Variants in LRP1B observed in about 807,000 individuals in gnomAD.
The protein encoded by LRP1B is low-density lipoprotein receptor-related protein 1B.
Under a neutral mutation model 556.6 loss-of-function variants are expected in LRP1B, and 217 were observed. The observed-to-expected ratio is 0.39, with a 90% CI of 0.35 to 0.44. The LOEUF (loss-of-function observed/expected upper bound fraction) is 0.44. Ranked by LOEUF, LRP1B falls within the 20% of genes least tolerant of loss-of-function variation. The pLI is 1.00. For missense variants in LRP1B, 5,053 were observed against 5,620.8 expected (o/e 0.90, Z 3.23); for synonymous variants, 2,047 against 1,865.8 (o/e 1.10, Z -2.50).
chr2:140,565,419 TATATTA>T (rs994216602), intron 43 of LRP1B, among the ~76,000 whole-genome samples: 2 of 152,084 alleles, frequency 1.3e-5, no homozygotes, highest in African/African-American at 4.8e-5. Context: ...TTTACTTTTC[TATATTA>T]ATATTCTCAA....
At chr2:141,527,712 C>T (rs1684737067) in intron 2 of LRP1B, among the ~76,000 whole-genome samples, 1 of 152,038 alleles carries the variant, frequency 6.6e-6, no homozygotes, top group Non-Finnish European at 1.5e-5. Context: ...TACACTAATA[C>T]TAGTTCTAGA....
chr2:141,578,383 C>T (rs949632294), intron 2 of LRP1B, among the ~76,000 whole-genome samples: 9 of 138,994 alleles, frequency 6.5e-5, no homozygotes, highest in African/African-American at 2.1e-4. Flanking sequence ...GGTGACAGGG[C>T]GAGAGTCCTT....
At chr2:141,305,321 A>G (rs891365659) in intron 3 of LRP1B, among the ~76,000 whole-genome samples, 5 of 152,084 alleles carry the variant, frequency 3.3e-5, no homozygotes, top group Admixed American at 1.3e-4. Flanking sequence ...AGGTATTCCT[A>G]GGTGTTTTAT....
At chr2:140,666,574 T>A (rs1195816806) in intron 41 of LRP1B, among the ~76,000 whole-genome samples, 1 of 152,208 alleles carries the variant, frequency 6.6e-6, no homozygotes, top group African/African-American at 2.4e-5. Context: ...AAAAGGAAGA[T>A]ATTTGTATGC....
intron 41 of LRP1B, among the ~76,000 whole-genome samples, chr2:140,606,926 C>T (rs186184708): frequency 1.3e-5 from 2 of 151,646 alleles, no homozygotes; most frequent in African/African-American, 4.8e-5. Context: ...ACAAAAAATA[C>T]AAATGAAAAA....
chr2:141,896,896 G>C (rs115457882), intron 1 of LRP1B, among the ~76,000 whole-genome samples: 1,565 of 152,220 alleles, frequency 0.01, 27 homozygotes, highest in African/African-American at 0.035. Context: ...CATAGTCCCA[G>C]TGATGGACCC....
intron 41 of LRP1B, among the ~76,000 whole-genome samples, chr2:140,692,147 A>G (rs1354692899): frequency 6.6e-6 from 1 of 152,130 alleles, no homozygotes; most frequent in African/African-American, 2.4e-5. Context: ...TAATGATTAT[A>G]TAATTATCAA....
At chr2:141,049,879 C>A (rs1044714395) in intron 10 of LRP1B, among the ~76,000 whole-genome samples, 1 of 151,916 alleles carries the variant, frequency 6.6e-6, no homozygotes, top group Non-Finnish European at 1.5e-5. Context: ...TTATCAAAAA[C>A]AAAACGAAAA....
In LRP1B at chr2:140,534,677, G is replaced by A. The variant is rs576613496; in HGVS notation, c.7643-537C>T. On this transcript the variant is annotated intron_variant, in intron 46 of 90. Coordinates refer to ENST00000389484, the MANE Select transcript of LRP1B (RefSeq NM_018557.3). ...TCCCTGAGAAAGAATTACCTTCTGA[G>A]TTCTATTTACCATTATGAAAGTTTC... Among the ~76,000 whole-genome samples the A allele has an allele frequency of 5.3e-5, 8 of 152,194 alleles. No individual in the cohort carries two copies. In the East Asian group the frequency reaches 1.2e-3, roughly 22 times the overall value.
intron 1 of LRP1B, among the ~76,000 whole-genome samples, chr2:142,089,023 T>C (rs996706596): frequency 6.7e-6 from 1 of 149,794 alleles, no homozygotes; most frequent in Non-Finnish European, 1.5e-5. Flanking sequence ...CTGACTTATA[T>C]ACATAAACGC....
At chr2:141,928,920 G>A (rs775738622) in intron 1 of LRP1B, among the ~76,000 whole-genome samples, 3 of 152,040 alleles carry the variant, frequency 2.0e-5, no homozygotes, top group Non-Finnish European at 4.4e-5. Context: ...GCCTGGTACA[G>A]CCCTGAAATC....
chr2:140,602,524 C>T (rs1172324554), intron 41 of LRP1B, among the ~76,000 whole-genome samples: 3 of 151,866 alleles, frequency 2.0e-5, no homozygotes, highest in Non-Finnish European at 4.4e-5. Flanking sequence ...TTTTTTCAGT[C>T]ATACCAAGAA....
At chr2:140,736,531 T>G (rs1021907695) in intron 35 of LRP1B, among the ~76,000 whole-genome samples, 2 of 152,008 alleles carry the variant, frequency 1.3e-5, no homozygotes, top group African/African-American at 2.4e-5. Context: ...AAAACAGAGA[T>G]ATAGACCAAT....
chr2:140,361,389 A>ATATAT (rs1321344669), intron 72 of LRP1B, among the ~76,000 whole-genome samples: 3 of 99,276 alleles, frequency 3.0e-5, no homozygotes, highest in Non-Finnish European at 4.5e-5. Flanking sequence ...TAACAAAAAT[A>ATATAT]AGTAGAAATA....
At chr2:140,523,636 T>C (rs527400649) in intron 49 of LRP1B, among the ~76,000 whole-genome samples, 3 of 151,738 alleles carry the variant, frequency 2.0e-5, no homozygotes, top group Non-Finnish European at 4.4e-5. Flanking sequence ...ACCTAAAGAC[T>C]CTGCAAAAAA....
chr2:140,571,275 C>A lies in LRP1B; in HGVS notation c.7194+27356G>T, dbSNP rs563160664. ...ATATAGGAAACCCTAAAAGCTCCAC[C>A]AAAAAACTCTTATAACTGATAAATA... is the stretch of plus-strand genomic sequence containing the variant. On this transcript the variant is annotated intron_variant, in intron 43 of 90. Coordinates refer to ENST00000389484, the MANE Select transcript of LRP1B (RefSeq NM_018557.3). Among the ~76,000 whole-genome samples, 5 of 151,484 alleles carry A rather than the reference C, an allele frequency of 3.3e-5. No homozygotes were observed. The East Asian group carries it at 9.7e-4, about 29-fold the overall frequency.
chr2:141,183,947 C>T (rs1681123019), intron 7 of LRP1B, among the ~76,000 whole-genome samples: 1 of 151,972 alleles, frequency 6.6e-6, no homozygotes, highest in Admixed American at 6.6e-5. Flanking sequence ...ACTTTTGCAA[C>T]AAGTTCACAC....
At chr2:141,411,251 G>A (rs1448523726) in intron 3 of LRP1B, among the ~76,000 whole-genome samples, 1 of 151,944 alleles carries the variant, frequency 6.6e-6, no homozygotes, top group African/African-American at 2.4e-5. Context: ...ACATAATGAA[G>A]CCACAGAAAA....
At chr2:141,009,580 G>T (rs1431440415) in intron 14 of LRP1B, among the ~76,000 whole-genome samples, 1 of 151,696 alleles carries the variant, frequency 6.6e-6, no homozygotes, top group African/African-American at 2.4e-5. Context: ...TAGTTATGAT[G>T]GTCCTACCAC....
Sources: gnomAD v4.1 joint callset for allele counts (sites outside exome capture counted in the v4.1 genomes callset) on GRCh38, gnomAD v4.1.1 for gene constraint, MANE v1.5 for transcripts, NCBI Gene and HGNC (gene_info 2026-07-23, HGNC 2026-07-21) for gene names.